The following ZHX3 variants were observed in gnomAD, a reference collection of about 807,000 sequenced individuals.
The protein encoded by ZHX3 is zinc fingers and homeoboxes 3.
Under a neutral mutation model 64.5 loss-of-function variants are expected in ZHX3, and 20 were observed. The ratio of observed to expected loss-of-function variants is 0.31; its 90% confidence interval spans 0.22 to 0.45. ZHX3 has a LOEUF of 0.45. Among genes scored for constraint, ZHX3 ranks in the 20% least tolerant of loss-of-function variants. The pLI, the probability that ZHX3 is intolerant of heterozygous loss-of-function variation, is 1.00. For missense variants in ZHX3, 1,041 were observed against 1,195.8 expected, an observed-to-expected ratio of 0.87 and a Z score of 1.91; for synonymous variants, 423 against 461.6, an observed-to-expected ratio of 0.92 and a Z score of 1.07.
Position 41,178,560 on chromosome 20 carries a change from T to C in ZHX3, c.*6631A>G, listed in dbSNP as rs2036131118. The C allele has an allele frequency of 6.6e-6, 1 of 152,634 alleles. No individual in the cohort carries two copies. Among genetic ancestry groups the C allele is most frequent in the Non-Finnish European group, 1.5e-5 (1 of 68,036 alleles). The allele number at this position is 152,634 out of a possible 1,614,324, so 9.5% of individuals were successfully genotyped here. ...TCCGTGTTCCCCTCCCTTATCCAAA[T>C]CCACAGATACAAAATCTAGGAAATG... On this transcript the variant is annotated 3_prime_UTR_variant, in exon 4 of 4. Coordinates refer to ENST00000683867, the MANE Select transcript of ZHX3 (RefSeq NM_001384317.1).
At chr20:41,301,707 C>T (rs1377667730) in intron 1 of ZHX3, among the ~76,000 whole-genome samples, 1 of 152,094 alleles carries the variant, frequency 6.6e-6, no homozygotes, top group East Asian at 1.9e-4. Flanking sequence ...CACCCACACA[C>T]CCCAAAATCA....
intron 1 of ZHX3, among the ~76,000 whole-genome samples, chr20:41,274,151 A>G (rs117803617): frequency 0.021 from 3,147 of 152,268 alleles, 60 homozygotes; most frequent in Non-Finnish European, 0.033. Flanking sequence ...AATGAAGGTA[A>G]ATTATGTAAC....
chr20:41,205,192 C>A (rs2038597526), intron 2 of ZHX3, 126 bp from the exon 3 acceptor site: 1 of 347,508 alleles, frequency 2.9e-6, no homozygotes, highest in East Asian at 5.6e-5. Flanking sequence ...GTTTAATCAG[C>A]AACTTGGATA....
intron 3 of ZHX3, among the ~76,000 whole-genome samples, chr20:41,187,722 T>C (rs2036643069): frequency 6.6e-6 from 1 of 152,204 alleles, no homozygotes; most frequent in Non-Finnish European, 1.5e-5. Context: ...TTCAACTTTG[T>C]TTTTTCTCAG....
intron 2 of ZHX3, among the ~76,000 whole-genome samples, chr20:41,233,784 T>C (rs1477236685): frequency 6.6e-6 from 1 of 151,982 alleles, no homozygotes; most frequent in Non-Finnish European, 1.5e-5. Flanking sequence ...TAAAAACAAG[T>C]CTTAAAGGAT....
At chr20:41,284,922 C>T (rs2043862085) in intron 1 of ZHX3, among the ~76,000 whole-genome samples, 1 of 152,152 alleles carries the variant, frequency 6.6e-6, no homozygotes. Context: ...TCACTTGCCT[C>T]ATAGTTTTTC....
At chr20:41,289,328 T>C (rs1016576217) in intron 1 of ZHX3, among the ~76,000 whole-genome samples, 2 of 152,152 alleles carry the variant, frequency 1.3e-5, no homozygotes, top group African/African-American at 4.8e-5. Flanking sequence ...ATAACCATTT[T>C]CAATAATTAC....
intron 2 of ZHX3, among the ~76,000 whole-genome samples, chr20:41,206,342 T>C (rs2038708869): frequency 6.6e-6 from 1 of 152,028 alleles, no homozygotes; most frequent in Non-Finnish European, 1.5e-5. Flanking sequence ...CGATCAGTAA[T>C]AACAAACTTC....
At chr20:41,292,536 A>C (rs2044301415) in intron 1 of ZHX3, among the ~76,000 whole-genome samples, 1 of 152,230 alleles carries the variant, frequency 6.6e-6, no homozygotes, top group African/African-American at 2.4e-5. Context: ...GAGAAAAGGG[A>C]GTTCAGGTGA....
rs552507022 is a variant in ZHX3 at position 41,244,622 on chromosome 20, T to C, written c.-151+24368A>G. Among the ~76,000 whole-genome samples the C allele has an allele frequency of 2.0e-5, 3 of 152,270 alleles. No homozygotes were observed. In the East Asian group the frequency reaches 5.8e-4, roughly 29 times the overall value. Reference sequence around the variant, plus strand: ...TGATTGGGAGTAGGACATTTATAAGTGGAGAGGATGGATTCTAGACCCACG... The same window carrying C: ...TGATTGGGAGTAGGACATTTATAAGCGGAGAGGATGGATTCTAGACCCACG... On this transcript the variant is annotated intron_variant, in intron 2 of 3. Coordinates refer to ENST00000683867, the MANE Select transcript of ZHX3 (RefSeq NM_001384317.1).
chr20:41,264,774 T>G (rs1301713614), intron 2 of ZHX3, among the ~76,000 whole-genome samples: 3 of 152,142 alleles, frequency 2.0e-5, no homozygotes, highest in Non-Finnish European at 2.9e-5. Flanking sequence ...CACTCCGAAC[T>G]TACGCTCAAA....
At chr20:41,236,666 C>A (rs1214503844) in intron 2 of ZHX3, among the ~76,000 whole-genome samples, 1 of 152,154 alleles carries the variant, frequency 6.6e-6, no homozygotes, top group Non-Finnish European at 1.5e-5. Context: ...ACCATAAAAA[C>A]CCTAGAAGAA....
intron 2 of ZHX3, among the ~76,000 whole-genome samples, chr20:41,247,929 C>T (rs1475715263): frequency 6.6e-6 from 1 of 152,176 alleles, no homozygotes; most frequent in African/African-American, 2.4e-5. Flanking sequence ...CTAGGCCATT[C>T]CCCTGCTTCA....
Position 41,204,997 on chromosome 20 carries a change from G to A in ZHX3, c.-81C>T. 1 of 1,421,458 alleles carries A rather than the reference G, an allele frequency of 7.0e-7. No homozygotes were observed. 88.1% of individuals were successfully genotyped at this position (1,421,458 alleles called of 1,614,324 possible). A position where few individuals can be genotyped will look rare whatever the true frequency, so the allele number is the denominator to read the frequency against. On this transcript the variant is annotated 5_prime_UTR_variant, in exon 3 of 4. Coordinates refer to ENST00000683867, the MANE Select transcript of ZHX3 (RefSeq NM_001384317.1). The surrounding 1 kb of genome is among the most constrained non-coding windows in gnomAD (Gnocchi z 6.6). ...AATACAAGTTCCAGCTTCTCGATGA[G>A]GGCCAAAGAAACAGTTTCTAAATGC...
At position 41,179,667 on chromosome 20, in the gene ZHX3, TC is replaced by T. The variant is rs563400767; in HGVS notation, c.*5523del. ...TTTTTTGAGACGGAGTTTCGCTCTG[TC>T]GCCCAGGCTGGAGTGCAGTGGCACG... On this transcript the variant is annotated 3_prime_UTR_variant, in exon 4 of 4. Coordinates refer to ENST00000683867, the MANE Select transcript of ZHX3 (RefSeq NM_001384317.1). This position sits in a 1 kb window ranked among gnomAD's most constrained non-coding sequence, Gnocchi z 4.3. 1.2e-4 allele frequency: 18 copies of T among 151,810 alleles called. No homozygotes were observed. Among genetic ancestry groups the T allele is most frequent in the African/African-American group, 4.4e-4 (18 of 41,332 alleles). 9.4% of individuals were successfully genotyped at this position (151,810 alleles called of 1,614,324 possible).
chr20:41,286,547 C>G (rs911455742), intron 1 of ZHX3, among the ~76,000 whole-genome samples: 2 of 150,850 alleles, frequency 1.3e-5, no homozygotes, highest in African/African-American at 5.0e-5. Flanking sequence ...TGTTGCTACT[C>G]TTTCCTTCTC....
In ZHX3 at chr20:41,203,971, T is replaced by C. The variant is rs745998273; in HGVS notation, c.946A>G (p.Asn316Asp). 11 of 1,614,088 alleles carry C rather than the reference T, an allele frequency of 6.8e-6. No individual in the cohort carries two copies. The highest frequency in any genetic ancestry group is 6.7e-5 in the Admixed American group (4 of 60,012). ...TGGAAGGAGTTCTTCAGGAAGCTGT[T>C]AGAGTCCATGGCTGCATTGTACGTT... ...IPTYNAAMDS[N>D]SFLKNSFHKF... The change falls in exon 3 of 4, where the codon AAC becomes GAC. Residue 316 changes from asparagine to aspartate, a missense_variant. By Grantham distance (23) the Asn-to-Asp change is conservative. This residue lies in a region of ZHX3 where 28 missense variants were observed against 66.7 expected (regional missense o/e 0.42). Coordinates refer to ENST00000683867, the MANE Select transcript of ZHX3 (RefSeq NM_001384317.1). This position sits in a 1 kb window ranked among gnomAD's most constrained non-coding sequence, Gnocchi z 7.1.
chr20:41,206,448 G>A (rs937295383), intron 2 of ZHX3, among the ~76,000 whole-genome samples: 1 of 152,158 alleles, frequency 6.6e-6, no homozygotes, highest in Non-Finnish European at 1.5e-5. Context: ...ACAGTGTAGA[G>A]AAGACCTTAA....
intron 3 of ZHX3, among the ~76,000 whole-genome samples, chr20:41,199,722 A>G (rs1222777998): frequency 4.0e-5 from 6 of 149,124 alleles, no homozygotes; most frequent in Admixed American, 1.3e-4. Context: ...TTTTTTTGCA[A>G]TGGAGCCTCA....
Sources: gnomAD v4.1 joint callset for allele counts (sites outside exome capture counted in the v4.1 genomes callset) on GRCh38, gnomAD v4.1.1 for gene constraint, gnomAD v4.1.1 regional missense constraint, Gnocchi (gnomAD v3.1) non-coding constraint, MANE v1.5 for transcripts, NCBI Gene and HGNC (gene_info 2026-07-23, HGNC 2026-07-21) for gene names.